SORCS1: variants seen among roughly 807,000 people sequenced by gnomAD.
SORCS1 encodes the protein sortilin related VPS10 domain containing receptor 1, also known as VPS10 domain-containing receptor SorCS1.
In SORCS1, 60 loss-of-function variants were observed where a neutral mutation model predicts 146.1. The ratio of observed to expected loss-of-function variants is 0.41; its 90% CI spans 0.33 to 0.51. The LOEUF (loss-of-function observed/expected upper bound fraction) is 0.51, where lower values mean the gene tolerates loss of function less well. Ranked by LOEUF, SORCS1 falls within the 20% of genes least tolerant of loss-of-function variation. SORCS1 has a pLI of 0.21. For synonymous variants in SORCS1, 637 were observed against 584.0 expected (o/e 1.09, Z -1.31); for missense variants, 1,352 against 1,487.6 (o/e 0.91, Z 1.50).
intron 1 of SORCS1, among the ~76,000 whole-genome samples, chr10:107,083,211 G>T (rs546567927): frequency 3.3e-5 from 5 of 152,076 alleles, no homozygotes; most frequent in South Asian, 2.1e-4. Context: ...GAAGATGGAG[G>T]TTTTCTCTTC....
At chr10:106,594,468 C>T (rs72821145) in intron 24 of SORCS1, among the ~76,000 whole-genome samples, 3,085 of 152,202 alleles carry the variant, frequency 0.02, 37 homozygotes, top group Middle Eastern at 0.048. Context: ...TCATTATCTT[C>T]CAAAATGATC....
At chr10:107,070,431 T>C (rs1165436782) in intron 1 of SORCS1, among the ~76,000 whole-genome samples, 2 of 152,202 alleles carry the variant, frequency 1.3e-5, no homozygotes, top group Non-Finnish European at 2.9e-5. Context: ...TAATGGTCTC[T>C]TTCTGCACTA....
intron 2 of SORCS1, among the ~76,000 whole-genome samples, chr10:106,832,488 C>T (rs958560758): frequency 6.6e-6 from 1 of 152,082 alleles, no homozygotes; most frequent in Non-Finnish European, 1.5e-5. Context: ...GGCACCCGGC[C>T]CCTAGTCCAC....
intron 2 of SORCS1, among the ~76,000 whole-genome samples, chr10:106,837,359 T>C (rs1948829271): frequency 6.6e-6 from 1 of 152,004 alleles, no homozygotes; most frequent in Non-Finnish European, 1.5e-5. Context: ...ATTCCTCCCC[T>C]TGCTCTTCAA....
intron 2 of SORCS1, among the ~76,000 whole-genome samples, chr10:106,879,635 C>T (rs10884368): frequency 0.29 from 44,299 of 152,094 alleles, 7,692 homozygotes; most frequent in Non-Finnish European, 0.39. Flanking sequence ...CTCCTAAAGG[C>T]AGAAGAAAAA....
intron 24 of SORCS1, among the ~76,000 whole-genome samples, chr10:106,585,290 C>G (rs747520527): frequency 3.9e-5 from 6 of 151,990 alleles, no homozygotes; most frequent in Non-Finnish European, 8.8e-5. Flanking sequence ...GACAAGGTAC[C>G]CAGGTAATTA....
At chr10:106,788,116 T>C (rs1946142815) in intron 3 of SORCS1, among the ~76,000 whole-genome samples, 1 of 151,826 alleles carries the variant, frequency 6.6e-6, no homozygotes, top group East Asian at 1.9e-4. Context: ...GGATGATAAA[T>C]TAATCAAACA....
At chr10:106,929,424 C>T (rs1407792435) in intron 2 of SORCS1, among the ~76,000 whole-genome samples, 3 of 152,156 alleles carry the variant, frequency 2.0e-5, no homozygotes, top group Non-Finnish European at 4.4e-5. Context: ...TTAGGGAAAA[C>T]TGAGATCTAC....
At chr10:106,648,805 G>C (rs745878591) in intron 18 of SORCS1, among the ~76,000 whole-genome samples, 9 of 151,956 alleles carry the variant, frequency 5.9e-5, no homozygotes, top group Admixed American at 2.0e-4. Context: ...AGGCCCTCCT[G>C]CCTTTGCACC....
At chr10:107,101,133 C>T (rs372594504) in intron 1 of SORCS1, among the ~76,000 whole-genome samples, 2 of 152,122 alleles carry the variant, frequency 1.3e-5, no homozygotes, top group African/African-American at 4.8e-5. Context: ...GATCTCGGCT[C>T]ACTGCAACCT....
chr10:107,161,250 G>T (rs1372095160), intron 1 of SORCS1, among the ~76,000 whole-genome samples: 1 of 152,206 alleles, frequency 6.6e-6, no homozygotes, highest in East Asian at 1.9e-4. Context: ...TGCAGGTGTT[G>T]TCATAATCAG....
intron 2 of SORCS1, among the ~76,000 whole-genome samples, chr10:106,912,988 C>G (rs957906578): frequency 6.6e-6 from 1 of 151,722 alleles, no homozygotes; most frequent in Non-Finnish European, 1.5e-5. Flanking sequence ...CCAGGCATTG[C>G]TGAATTTTTT....
chr10:106,893,069 TA>T (rs1274273034), intron 2 of SORCS1, among the ~76,000 whole-genome samples: 1 of 150,994 alleles, frequency 6.6e-6, no homozygotes, highest in African/African-American at 2.4e-5. Flanking sequence ...TAGTTTTTTG[TA>T]TTTTTTTTTT....
chr10:106,953,212 C>G (rs574252933), intron 2 of SORCS1, among the ~76,000 whole-genome samples: 20 of 150,156 alleles, frequency 1.3e-4, no homozygotes, highest in African/African-American at 4.7e-4. Context: ...TCTCTCAGTA[C>G]CTGGAGGGGA....
At chr10:106,943,761 G>A (rs1417041932) in intron 2 of SORCS1, among the ~76,000 whole-genome samples, 1 of 152,100 alleles carries the variant, frequency 6.6e-6, no homozygotes, top group Non-Finnish European at 1.5e-5. Context: ...AGTGAGCCGA[G>A]ATCGTGCCAC....
chr10:106,896,370 A>G (rs916480575), intron 2 of SORCS1, among the ~76,000 whole-genome samples: 2 of 150,186 alleles, frequency 1.3e-5, no homozygotes, highest in Non-Finnish European at 3.0e-5. Flanking sequence ...CAGGGGTTGC[A>G]GTGAGCCAAG....
intron 17 of SORCS1, among the ~76,000 whole-genome samples, chr10:106,657,753 C>A (rs1314135774): frequency 6.6e-6 from 1 of 150,494 alleles, no homozygotes; most frequent in Non-Finnish European, 1.5e-5. Flanking sequence ...GTTGTAGAAC[C>A]AAATTGTCGG....
At chr10:106,844,176 T>C (rs1404986554) in intron 2 of SORCS1, among the ~76,000 whole-genome samples, 1 of 152,248 alleles carries the variant, frequency 6.6e-6, no homozygotes, top group African/African-American at 2.4e-5. Flanking sequence ...TGGCTTTTTA[T>C]ATGCCATCTT....
chr10:106,667,924 C>T (rs202068679), intron 16 of SORCS1, 122 bp from the exon 17 acceptor site: 2 of 425,556 alleles, frequency 4.7e-6, no homozygotes, highest in Non-Finnish European at 8.5e-6. Context: ...AAAATAAAAA[C>T]AAAAAAAAAA....
Sources: gnomAD v4.1 joint callset for allele counts (sites outside exome capture counted in the v4.1 genomes callset) on GRCh38, gnomAD v4.1.1 for gene constraint, MANE v1.5 for transcripts, NCBI Gene and HGNC (gene_info 2026-07-23, HGNC 2026-07-21) for gene names.